NCOA3: variants seen among roughly 807,000 people sequenced by gnomAD.
NCOA3 encodes CBP-interacting protein.
In NCOA3, 51 loss-of-function variants were observed where a neutral mutation model predicts 158.8. The ratio of observed to expected loss-of-function variants is 0.32; its 90% CI spans 0.26 to 0.41. The LOEUF (loss-of-function observed/expected upper bound fraction) is 0.41. Ranked by LOEUF, NCOA3 falls within the 10% of genes least tolerant of loss-of-function variation. The pLI, the probability that NCOA3 is intolerant of heterozygous loss-of-function variation, is 1.00. For synonymous variants in NCOA3, 537 were observed against 592.4 expected (o/e 0.91, Z 1.36); for missense variants, 1,510 against 1,746.6 (o/e 0.86, Z 2.41).
rs1204747709 is a variant in NCOA3, at chr20:47,649,018, G to A, written c.3560G>A (p.Ser1187Asn). 6.2e-7 allele frequency: 1 copy of A among 1,613,170 alleles called. No individual in the cohort carries two copies. Among genetic ancestry groups the A allele is most frequent in the East Asian group, 2.2e-5 (1 of 44,868 alleles). ...RLQGQQFLNQ[S>N]RQALELKMEN... ...GTCTCACCTCAGTTTTTGAATCAGA[G>A]CCGACAGGCACTTGAATTGAAAATG... is the stretch of plus-strand genomic sequence containing the variant. Residue 1187 changes from serine to asparagine, a missense_variant, in exon 19 of 23, where the codon AGC becomes AAC. Physicochemically the swap from Ser to Asn is conservative, Grantham distance 46. Transcript: ENST00000371998.
intron 3 of NCOA3, chr20:47,623,065 T>C (rs2086267059): frequency 6.6e-6 from 1 of 152,240 alleles, no homozygotes; most frequent in Non-Finnish European, 1.5e-5. Context: ...TAAGTTGATA[T>C]TTTGTCATTT....
At chr20:47,512,051 A>G (rs1234016666) in intron 1 of NCOA3, among the ~76,000 whole-genome samples, 2 of 152,126 alleles carry the variant, frequency 1.3e-5, no homozygotes, top group South Asian at 2.1e-4. Flanking sequence ...GCAGGGGCTC[A>G]TGCCCATAAT....
intron 1 of NCOA3, among the ~76,000 whole-genome samples, chr20:47,504,064 A>G (rs2083985001): frequency 6.6e-6 from 1 of 152,208 alleles, no homozygotes; most frequent in Non-Finnish European, 1.5e-5. Context: ...TTTAATTACA[A>G]AGGCTTTGAA....
At position 47,653,792 on chromosome 20, in the gene NCOA3, G is replaced by GAAGA. The variant is rs1340418546; in HGVS notation, c.*377_*380dup. Reference sequence around the variant, plus strand: ...CACGTAGGTGGGCCAGAGAACATTGGAAGAATCAAGAGAGATTAGAATATC... The same window carrying GAAGA: ...CACGTAGGTGGGCCAGAGAACATTGGAAGAAAGAATCAAGAGAGATTAGAATATC... On this transcript the variant is annotated 3_prime_UTR_variant, in exon 23 of 23. Transcript: ENST00000371998. 3.9e-6 allele frequency: 1 copy of GAAGA among 256,224 alleles called. No individual in the cohort carries two copies. Among genetic ancestry groups the GAAGA allele is most frequent in the African/African-American group, 2.2e-5 (1 of 44,846 alleles). 15.9% of individuals were successfully genotyped at this position (256,224 alleles called of 1,614,324 possible).
chr20:47,524,174 T>C (rs2084389271), intron 1 of NCOA3, among the ~76,000 whole-genome samples: 1 of 152,228 alleles, frequency 6.6e-6, no homozygotes, highest in Non-Finnish European at 1.5e-5. Context: ...TACAGCCTGA[T>C]TTCTACTAGG....
chr20:47,633,977 T>C (rs868108871), intron 9 of NCOA3, 71 bp from the exon 10 acceptor site: 2 of 1,550,402 alleles, frequency 1.3e-6, no homozygotes, highest in Non-Finnish European at 1.8e-6. Flanking sequence ...GTATATTTCC[T>C]CCCTGTCCCC....
chr20:47,622,350 G>C lies in NCOA3; in HGVS notation c.83+20G>C. On this transcript the variant is annotated intron_variant, in intron 3 of 22. Coordinates refer to ENST00000371998, the MANE Select transcript of NCOA3 (RefSeq NM_181659.3). ...ACAAGGGTAGGTGACTTATTTCCTG[G>C]TGCTTTACCACACTTGTTGTGCCTT... 1 of 1,495,234 alleles carries C rather than the reference G, an allele frequency of 6.7e-7. No homozygotes were observed. The highest frequency in any genetic ancestry group is 9.1e-7 in the Non-Finnish European group (1 of 1,093,206). The allele number at this position is 1,495,234 out of a possible 1,614,324, so 92.6% of individuals were successfully genotyped here.
At chr20:47,522,719 G>T (rs1602340490) in intron 1 of NCOA3, among the ~76,000 whole-genome samples, 1 of 152,110 alleles carries the variant, frequency 6.6e-6, no homozygotes, top group East Asian at 1.9e-4. Context: ...ACACACGTGG[G>T]GATATGTGGG....
At chr20:47,625,115 G>A (rs1025140009) in intron 4 of NCOA3, among the ~76,000 whole-genome samples, 10 of 152,142 alleles carry the variant, frequency 6.6e-5, no homozygotes, top group Non-Finnish European at 7.4e-5. Context: ...ACAATTGCCT[G>A]TTATTTGGTA....
At chr20:47,566,772 A>G (rs1256369980) in intron 1 of NCOA3, among the ~76,000 whole-genome samples, 7 of 152,062 alleles carry the variant, frequency 4.6e-5, no homozygotes, top group Non-Finnish European at 1.0e-4. Flanking sequence ...GGCCACCCAC[A>G]GTGTTGAGAT....
chr20:47,570,218 A>G (rs1602417735), intron 1 of NCOA3, among the ~76,000 whole-genome samples: 1 of 152,064 alleles, frequency 6.6e-6, no homozygotes, highest in Non-Finnish European at 1.5e-5. Context: ...CAGCAGGCGG[A>G]TTGCTTGAGC....
intron 1 of NCOA3, among the ~76,000 whole-genome samples, chr20:47,567,606 G>GTTGCCC (rs2085218540): frequency 6.6e-6 from 1 of 151,358 alleles, no homozygotes; most frequent in African/African-American, 2.4e-5. Context: ...TTTCATTGTT[G>GTTGCCC]TTGCCCAGAC....
chr20:47,568,687 T>C (rs1200891035), intron 1 of NCOA3, among the ~76,000 whole-genome samples: 1 of 151,842 alleles, frequency 6.6e-6, no homozygotes, highest in Admixed American at 6.6e-5. Context: ...TCCCAGCCAT[T>C]TGGGAGGCTG....
chr20:47,649,311 T>C (rs1223436744), intron 19 of NCOA3, among the ~76,000 whole-genome samples: 4 of 152,216 alleles, frequency 2.6e-5, no homozygotes, highest in African/African-American at 9.6e-5. Context: ...GAGGGAGAGC[T>C]TTCTTCATTA....
intron 1 of NCOA3, among the ~76,000 whole-genome samples, chr20:47,582,405 G>A (rs2085467948): frequency 6.6e-6 from 1 of 152,162 alleles, no homozygotes; most frequent in African/African-American, 2.4e-5. Context: ...TAGATATGGG[G>A]TTTCACCATG....
chr20:47,568,127 C>G (rs2085228621), intron 1 of NCOA3, among the ~76,000 whole-genome samples: 1 of 152,188 alleles, frequency 6.6e-6, no homozygotes, highest in Non-Finnish European at 1.5e-5. Context: ...ACAGAAGCTG[C>G]ATTGGTCCTG....
chr20:47,517,451 C>CTTTTTTTTTTT (rs376699406), intron 1 of NCOA3, among the ~76,000 whole-genome samples: 1 of 129,280 alleles, frequency 7.7e-6, no homozygotes, highest in Non-Finnish European at 1.6e-5. Flanking sequence ...TTTTCTTTTT[C>CTTTTTTTTTTT]TTTTTTTTTT....
intron 1 of NCOA3, among the ~76,000 whole-genome samples, chr20:47,518,310 T>C (rs1285016565): frequency 6.6e-6 from 1 of 151,604 alleles, no homozygotes; most frequent in East Asian, 1.9e-4. Context: ...TTCACCACTG[T>C]ACTCCAGCCT....
Position 47,639,593 on chromosome 20 carries a change from T to A in NCOA3, c.2724T>A (p.Asn908Lys). 6.2e-7 allele frequency: 1 copy of A among 1,613,520 alleles called. No homozygotes were observed. Residue 908 changes from asparagine (N) to lysine (K), a missense_variant, in exon 15 of 23, where the codon AAT becomes AAA. Transcript: ENST00000371998. ...CTGTTTTAGGTGGGCCAAACCGAAA[T>A]GTGACTGTGACTCAGACTCCTTCCT... Reference protein sequence around the residue: ...YGSSMGGPNRNVTVTQTPSSG... With the variant: ...YGSSMGGPNRKVTVTQTPSSG...
Sources: gnomAD v4.1 joint callset for allele counts (sites outside exome capture counted in the v4.1 genomes callset) on GRCh38, gnomAD v4.1.1 for gene constraint, MANE v1.5 for transcripts, NCBI Gene and HGNC (gene_info 2026-07-23, HGNC 2026-07-21) for gene names.